The following TRPM3 variants were observed in gnomAD, a reference collection of about 807,000 sequenced individuals.
TRPM3 encodes long transient receptor potential channel 3.
Under a neutral mutation model 181.2 loss-of-function variants are expected in TRPM3, and 77 were observed. The observed-to-expected ratio is 0.42, with a 90% confidence interval of 0.35 to 0.51. The LOEUF (loss-of-function observed/expected upper bound fraction) is 0.51, where lower values mean the gene tolerates loss of function less well. Ranked by LOEUF, TRPM3 falls within the 20% of genes least tolerant of loss-of-function variation. TRPM3 has a pLI of 0.01. For synonymous variants in TRPM3, 745 were observed against 796.4 expected, an observed-to-expected ratio of 0.94 and a Z score of 1.09; for missense variants, 1,759 against 2,196.7, an observed-to-expected ratio of 0.80 and a Z score of 3.98.
At chr9:70,578,475 A>C (rs1210555307) in intron 22 of TRPM3, among the ~76,000 whole-genome samples, 1 of 152,196 alleles carries the variant, frequency 6.6e-6, no homozygotes. Flanking sequence ...ATTATGTCCA[A>C]AACTGGTGCC....
chr9:70,644,664 C>T (rs142842480), intron 9 of TRPM3, among the ~76,000 whole-genome samples: 2,693 of 152,230 alleles, frequency 0.018, 83 homozygotes, highest in African/African-American at 0.061. Flanking sequence ...AGTATGCCCT[C>T]TCTCACCACT....
intron 1 of TRPM3, among the ~76,000 whole-genome samples, chr9:71,381,817 T>C (rs1025537523): frequency 6.6e-6 from 1 of 152,128 alleles, no homozygotes; most frequent in Non-Finnish European, 1.5e-5. Context: ...GAGATGATTA[T>C]TAAATATTCT....
intron 1 of TRPM3, among the ~76,000 whole-genome samples, chr9:71,006,215 C>G (rs1419527151): frequency 6.6e-6 from 1 of 151,824 alleles, no homozygotes; most frequent in Non-Finnish European, 1.5e-5. Context: ...AGCATGAGAT[C>G]AAAAATTCTA....
At chr9:71,362,980 G>A (rs1347740816) in intron 1 of TRPM3, among the ~76,000 whole-genome samples, 4 of 152,064 alleles carry the variant, frequency 2.6e-5, no homozygotes, top group East Asian at 3.8e-4. Context: ...ACAAGCAAAC[G>A]AACCAAGAAA....
chr9:70,620,125 C>G lies in TRPM3; in HGVS notation c.2080G>C (p.Glu694Gln), dbSNP rs769926574. The G allele has an allele frequency of 6.2e-7, 1 of 1,613,428 alleles. No individual in the cohort carries two copies. Among genetic ancestry groups the G allele is most frequent in the Non-Finnish European group, 8.5e-7 (1 of 1,179,404 alleles). ...GAAATGTCGTCAACCATGTCGTTCT[C>G]AGAGGCCTCATGAGCCATGGCTTTG... ...LCKAMAHEAS[E>Q]NDMVDDISQE... Residue 694 changes from glutamate (E) to glutamine (Q), a missense_variant, in exon 16 of 26, where the codon GAG (glutamate) becomes CAG (glutamine). Coordinates refer to ENST00000677713, the MANE Select transcript of TRPM3 (RefSeq NM_001366145.2).
chr9:71,379,823 C>A (rs915695364), intron 1 of TRPM3, among the ~76,000 whole-genome samples: 1 of 151,892 alleles, frequency 6.6e-6, no homozygotes, highest in Non-Finnish European at 1.5e-5. Context: ...AGAAGAAGCT[C>A]GAATGGTCAA....
intron 1 of TRPM3, among the ~76,000 whole-genome samples, chr9:71,310,915 G>A (rs4142472): frequency 0.49 from 74,007 of 151,694 alleles, 20,014 homozygotes; most frequent in East Asian, 0.7. Flanking sequence ...TTAACTAAGA[G>A]ATGAAAAAAA....
chr9:70,864,316 A>T (rs1157325335), intron 2 of TRPM3, 116 bp downstream of exon 2: 66 of 671,710 alleles, frequency 9.8e-5, no homozygotes, highest in Non-Finnish European at 7.6e-5. Flanking sequence ...GTCCAGAAAC[A>T]ATATAAAAGA....
intron 1 of TRPM3, among the ~76,000 whole-genome samples, chr9:71,101,284 C>A (rs930025121): frequency 1.3e-5 from 2 of 152,124 alleles, no homozygotes; most frequent in Non-Finnish European, 2.9e-5. Flanking sequence ...TCCTCTTAAA[C>A]ACCCACAATA....
intron 19 of TRPM3, among the ~76,000 whole-genome samples, chr9:70,606,984 T>TAGAGA (rs1266427574): frequency 6.6e-6 from 1 of 152,026 alleles, no homozygotes; most frequent in African/African-American, 2.4e-5. Flanking sequence ...TGGTCACTAC[T>TAGAGA]AGAGAAACTC....
rs140791961 is a variant in TRPM3, at chr9:70,981,374, T to C, written c.178-116863A>G. 2.2e-3 allele frequency among the ~76,000 whole-genome samples: 330 copies of C among 152,322 alleles called. 4 individuals are homozygous for C. Among genetic ancestry groups the C allele is most frequent in the African/African-American group, 7.5e-3 (311 of 41,572 alleles). Reference sequence around the variant, plus strand: ...GTCTGGAAGCACATGATTAGCTCATTAGCAAAGATTGTTTTCTTGCCTCAG... The same window carrying C: ...GTCTGGAAGCACATGATTAGCTCATCAGCAAAGATTGTTTTCTTGCCTCAG... On this transcript the variant is annotated intron_variant, in intron 1 of 25. Transcript: ENST00000677713.
intron 1 of TRPM3, among the ~76,000 whole-genome samples, chr9:71,444,740 T>G (rs2094181338): frequency 6.6e-6 from 1 of 152,188 alleles, no homozygotes; most frequent in Non-Finnish European, 1.5e-5. Flanking sequence ...ACAAATGAAG[T>G]CAAAACTCTT....
intron 9 of TRPM3, among the ~76,000 whole-genome samples, chr9:70,669,869 T>C (rs4345629): frequency 0.66 from 99,003 of 151,114 alleles, 32,827 homozygotes; most frequent in African/African-American, 0.76. Flanking sequence ...CCTGAGTAGC[T>C]GGGACTACAG....
intron 1 of TRPM3, among the ~76,000 whole-genome samples, chr9:71,271,259 T>G (rs1444691093): frequency 1.3e-5 from 2 of 152,164 alleles, no homozygotes; most frequent in African/African-American, 4.8e-5. Context: ...TATTCATAGC[T>G]TGTTATCTTG....
At chr9:71,102,336 T>C (rs1270802062) in intron 1 of TRPM3, among the ~76,000 whole-genome samples, 2 of 152,188 alleles carry the variant, frequency 1.3e-5, no homozygotes, top group African/African-American at 2.4e-5. Context: ...CCAGACTTTG[T>C]CACACAGCTG....
At chr9:70,863,161 G>C in intron 2 of TRPM3, 49 bp from the exon 3 acceptor site, 2 of 1,537,180 alleles carry the variant, frequency 1.3e-6, no homozygotes, top group Middle Eastern at 1.9e-4. Flanking sequence ...TCACTATTGG[G>C]ATACACACTT....
chr9:70,817,588 C>T (rs2092811989), intron 6 of TRPM3, among the ~76,000 whole-genome samples: 2 of 152,154 alleles, frequency 1.3e-5, no homozygotes, highest in African/African-American at 4.8e-5. Flanking sequence ...AAGTGTCATG[C>T]TAGGTTGGCA....
intron 1 of TRPM3, among the ~76,000 whole-genome samples, chr9:71,041,110 G>C (rs973159882): frequency 6.6e-6 from 1 of 152,196 alleles, no homozygotes; most frequent in Admixed American, 6.5e-5. Context: ...TTAGGAAAGA[G>C]AATATCCTTG....
chr9:71,220,413 A>T (rs1016836595), intron 1 of TRPM3, among the ~76,000 whole-genome samples: 12 of 151,198 alleles, frequency 7.9e-5, no homozygotes, highest in African/African-American at 2.9e-4. Flanking sequence ...AGTTGACCTA[A>T]ATAGGTGAGT....
Sources: gnomAD v4.1 joint callset for allele counts (sites outside exome capture counted in the v4.1 genomes callset) on GRCh38, gnomAD v4.1.1 for gene constraint, MANE v1.5 for transcripts, NCBI Gene and HGNC (gene_info 2026-07-23, HGNC 2026-07-21) for gene names.